PLCH1: variants seen among roughly 807,000 people sequenced by gnomAD.
PLCH1 encodes 1-phosphatidylinositol 4,5-bisphosphate phosphodiesterase eta-1.
A neutral mutation model predicts 126.7 loss-of-function variants in PLCH1; 60 were observed. That is an observed-to-expected ratio of 0.47 (90% CI 0.38 to 0.59). The LOEUF (loss-of-function observed/expected upper bound fraction) is 0.59, where lower values mean the gene tolerates loss of function less well. Ranked by LOEUF, PLCH1 falls within the 20% of genes least tolerant of loss-of-function variation. The pLI, the probability that PLCH1 is intolerant of heterozygous loss-of-function variation, is 0.00. For synonymous variants in PLCH1, 719 were observed against 734.9 expected (o/e 0.98, Z 0.35); for missense variants, 1,723 against 2,040.0 (o/e 0.84, Z 2.99).
At chr3:155,677,624 A>G (rs1744192835) in intron 2 of PLCH1, among the ~76,000 whole-genome samples, 1 of 152,222 alleles carries the variant, frequency 6.6e-6, no homozygotes. Flanking sequence ...TTATTTGTAC[A>G]GTGGGCATAG....
chr3:155,539,931 G>A (rs780831921), intron 10 of PLCH1, among the ~76,000 whole-genome samples: 1 of 151,872 alleles, frequency 6.6e-6, no homozygotes, highest in Admixed American at 6.6e-5. Flanking sequence ...GCATACCCAA[G>A]GCAAGACTAA....
At chr3:155,705,507 T>C (rs1454248346) in intron 1 of PLCH1, among the ~76,000 whole-genome samples, 4 of 152,168 alleles carry the variant, frequency 2.6e-5, no homozygotes, top group Non-Finnish European at 5.9e-5. Flanking sequence ...AGAATATAGC[T>C]AATTATGAAA....
intron 10 of PLCH1, among the ~76,000 whole-genome samples, chr3:155,542,028 T>G (rs560402180): frequency 6.6e-6 from 1 of 152,132 alleles, no homozygotes; most frequent in Non-Finnish European, 1.5e-5. Context: ...TGCCAGACAG[T>G]GGGCGCAGGA....
chr3:155,577,392 TC>T (rs1560192620), intron 6 of PLCH1, among the ~76,000 whole-genome samples: 1 of 152,208 alleles, frequency 6.6e-6, no homozygotes, highest in East Asian at 1.9e-4. Context: ...GTTTTTTTTT[TC>T]CTCAATGGTC....
At chr3:155,551,616 T>C (rs568073641) in intron 9 of PLCH1, among the ~76,000 whole-genome samples, 4 of 149,142 alleles carry the variant, frequency 2.7e-5, no homozygotes, top group Non-Finnish European at 5.9e-5. Context: ...AGGGGTGCTA[T>C]TGGCACATAA....
At chr3:155,736,335 G>C (rs139649218) in intron 1 of PLCH1, among the ~76,000 whole-genome samples, 2 of 152,330 alleles carry the variant, frequency 1.3e-5, no homozygotes, top group South Asian at 2.1e-4. Context: ...GTGGTTTAGA[G>C]TAGAACATTT....
At position 155,738,430 on chromosome 3, in the gene PLCH1, A is replaced by G. The variant is rs570608297; in HGVS notation, c.-41+6410T>C. ...GTAGAGGTCGGAGGATTGCTTGAGC[A>G]CAGGAGTTCGAGACCAGCCTGGAAA... is the stretch of plus-strand genomic sequence containing the variant. On this transcript the variant is annotated intron_variant, in intron 1 of 22. Coordinates refer to ENST00000460012, the MANE Select transcript of PLCH1 (RefSeq NM_014996.4). 2.0e-5 allele frequency among the ~76,000 whole-genome samples: 3 copies of G among 152,216 alleles called. No individual in the cohort carries two copies. In the South Asian group the frequency reaches 6.2e-4, roughly 32 times the overall value.
intron 8 of PLCH1, among the ~76,000 whole-genome samples, chr3:155,558,584 C>T (rs767009580): frequency 1.3e-5 from 2 of 152,118 alleles, no homozygotes; most frequent in Non-Finnish European, 2.9e-5. Flanking sequence ...AACAATTATA[C>T]TGCAATAAAA....
chr3:155,697,080 A>G (rs1193605756), intron 2 of PLCH1, among the ~76,000 whole-genome samples: 4 of 152,242 alleles, frequency 2.6e-5, no homozygotes, highest in Non-Finnish European at 4.4e-5. Context: ...CAGAGAGATC[A>G]CAGTGGGTTC....
At chr3:155,496,422 A>C (rs1356062827) in intron 15 of PLCH1, among the ~76,000 whole-genome samples, 1 of 152,144 alleles carries the variant, frequency 6.6e-6, no homozygotes, top group Non-Finnish European at 1.5e-5. Flanking sequence ...AATTCATTTA[A>C]ATCTTGTATA....
intron 2 of PLCH1, among the ~76,000 whole-genome samples, chr3:155,641,881 T>C (rs1739441645): frequency 6.6e-6 from 1 of 152,084 alleles, no homozygotes; most frequent in Non-Finnish European, 1.5e-5. Flanking sequence ...AGTCAGAAAT[T>C]AATCCTGTTT....
chr3:155,471,784 C>A (rs1051856064), intron 21 of PLCH1, among the ~76,000 whole-genome samples: 6 of 152,016 alleles, frequency 3.9e-5, no homozygotes, highest in Admixed American at 6.6e-5. Context: ...CACTCAAAAT[C>A]GCTCAACTAC....
chr3:155,496,732 A>G lies in PLCH1; in HGVS notation c.1894+588T>C, dbSNP rs543248143. ...ATAGAAGATAAAGGAGACAAGAGTA[A>G]CTAGCAGGAAAGCCAAGGATATGAA... is the stretch of plus-strand genomic sequence containing the variant. On this transcript the variant is annotated intron_variant, in intron 15 of 22. Transcript: ENST00000460012. Among the ~76,000 whole-genome samples the G allele has an allele frequency of 5.9e-5, 9 of 152,314 alleles. No individual in the cohort carries two copies. The South Asian group carries it at 1.5e-3, about 25-fold the overall frequency.
chr3:155,620,622 T>G (rs1204669493), intron 2 of PLCH1, among the ~76,000 whole-genome samples: 1 of 152,080 alleles, frequency 6.6e-6, no homozygotes, highest in African/African-American at 2.4e-5. Flanking sequence ...AAGAAAGAGC[T>G]GCAACCGTGG....
chr3:155,584,127 G>T (rs1491000149), intron 5 of PLCH1, among the ~76,000 whole-genome samples: 1 of 151,626 alleles, frequency 6.6e-6, no homozygotes, highest in Non-Finnish European at 1.5e-5. Flanking sequence ...ATAAACAAAA[G>T]CAAAAAGTAA....
At chr3:155,497,613 T>TC (rs1418958770) in intron 14 of PLCH1, among the ~76,000 whole-genome samples, 196 bp from the exon 15 acceptor site, 1 of 152,184 alleles carries the variant, frequency 6.6e-6, no homozygotes, top group Non-Finnish European at 1.5e-5. Flanking sequence ...ACTACAGTAG[T>TC]CCCCCCTTAT....
rs1423081706 is a variant in PLCH1, at chr3:155,509,191, A to G, written c.1633-4565T>C. ...TGGTAGTTTGCATTTCTGTGCGATC[A>G]GTGGTGATATCCCCTTTATCATTTT... On this transcript the variant is annotated intron_variant, in intron 12 of 22. Coordinates refer to ENST00000460012, the MANE Select transcript of PLCH1 (RefSeq NM_014996.4). Among the ~76,000 whole-genome samples, 9 of 135,996 alleles carry G rather than the reference A, an allele frequency of 6.6e-5. 1 individual carries two copies. The highest frequency in any genetic ancestry group is 5.6e-4 in the Admixed American group (8 of 14,354). The allele number at this position is 135,996 out of a possible 152,430, so 89.2% of individuals were successfully genotyped here.
chr3:155,710,479 C>T (rs1747023466), intron 1 of PLCH1, among the ~76,000 whole-genome samples: 1 of 152,012 alleles, frequency 6.6e-6, no homozygotes, highest in Non-Finnish European at 1.5e-5. Flanking sequence ...TACAATGATT[C>T]AAAACATAAT....
rs1370852404 is a variant in PLCH1, at chr3:155,625,775, TTGG to T, written c.80-29400_80-29398del. Among the ~76,000 whole-genome samples, 4 of 152,318 alleles carry T rather than the reference TTGG, an allele frequency of 2.6e-5. No individual in the cohort carries two copies. In the South Asian group the frequency reaches 6.2e-4, roughly 24 times the overall value. On this transcript the variant is annotated intron_variant, in intron 2 of 22. Transcript: ENST00000460012. ...GAGAAATAGGAATGCTTTTACACTG[TTGG>T]TGGGAGTGTAAATTGGTTCAACCAT... is the stretch of plus-strand genomic sequence containing the variant.
Sources: gnomAD v4.1 joint callset for allele counts (sites outside exome capture counted in the v4.1 genomes callset) on GRCh38, gnomAD v4.1.1 for gene constraint, MANE v1.5 for transcripts, NCBI Gene and HGNC (gene_info 2026-07-23, HGNC 2026-07-21) for gene names.